Variants in SSBP3 observed in about 807,000 individuals in gnomAD.
The protein encoded by SSBP3 is single stranded DNA binding protein 3, also known as single-stranded DNA-binding protein 3.
Under a neutral mutation model 69.6 loss-of-function variants are expected in SSBP3, and 5 were observed. That is an observed-to-expected ratio of 0.07 (90% CI 0.04 to 0.15). The LOEUF (loss-of-function observed/expected upper bound fraction) is 0.15. Among genes scored for constraint, SSBP3 ranks in the 10% least tolerant of loss-of-function variants. SSBP3 has a pLI of 1.00. For synonymous variants in SSBP3, 196 were observed against 193.4 expected, an observed-to-expected ratio of 1.01 and a Z score of -0.11; for missense variants, 312 against 534.0, an observed-to-expected ratio of 0.58 and a Z score of 4.10.
intron 4 of SSBP3, among the ~76,000 whole-genome samples, chr1:54,333,515 G>A (rs1292533790): frequency 2.6e-5 from 4 of 152,076 alleles, no homozygotes; most frequent in African/African-American, 7.2e-5. Flanking sequence ...GCCCACGCCT[G>A]TAAATCCCAG....
intron 1 of SSBP3, among the ~76,000 whole-genome samples, chr1:54,405,181 C>T (rs1453524014): frequency 1.3e-5 from 2 of 152,182 alleles, no homozygotes; most frequent in Non-Finnish European, 2.9e-5. Flanking sequence ...TTCCAAGTGG[C>T]GTCGCGGGCA....
chr1:54,348,367 G>A (rs1306008591), intron 4 of SSBP3, among the ~76,000 whole-genome samples: 3 of 151,626 alleles, frequency 2.0e-5, no homozygotes, highest in Non-Finnish European at 4.4e-5. Flanking sequence ...AGCAACAACA[G>A]GAAGTAGACA....
chr1:54,386,011 T>C (rs1648054361), intron 4 of SSBP3, among the ~76,000 whole-genome samples: 1 of 152,180 alleles, frequency 6.6e-6, no homozygotes, highest in Non-Finnish European at 1.5e-5. Flanking sequence ...ATATTGCATG[T>C]TGAAAGCTAA....
chr1:54,236,075 A>G (rs754449994), intron 14 of SSBP3, among the ~76,000 whole-genome samples: 8 of 152,190 alleles, frequency 5.3e-5, no homozygotes, highest in Non-Finnish European at 1.0e-4. Context: ...GAGTACTGGC[A>G]AAACAGTATA....
intron 5 of SSBP3, among the ~76,000 whole-genome samples, chr1:54,262,291 A>G (rs1645029570): frequency 6.6e-6 from 1 of 152,214 alleles, no homozygotes; most frequent in Non-Finnish European, 1.5e-5. Flanking sequence ...AAGGCACTCC[A>G]GGATTGCATA....
intron 9 of SSBP3, among the ~76,000 whole-genome samples, chr1:54,249,353 C>G (rs998243159): frequency 1.3e-5 from 2 of 152,200 alleles, no homozygotes; most frequent in Admixed American, 1.3e-4. Context: ...AGTTGGAAAA[C>G]ACAAATAGCC....
intron 4 of SSBP3, among the ~76,000 whole-genome samples, chr1:54,334,532 G>T (rs1487742188): frequency 1.3e-5 from 2 of 152,058 alleles, no homozygotes; most frequent in Non-Finnish European, 2.9e-5. Context: ...GTCTGACCTG[G>T]ATTACAGTTG....
At chr1:54,292,291 C>T (rs953538559) in intron 4 of SSBP3, among the ~76,000 whole-genome samples, 3 of 152,242 alleles carry the variant, frequency 2.0e-5, no homozygotes, top group African/African-American at 7.2e-5. Context: ...ATTCTTCAGA[C>T]TGACACAAGA....
At chr1:54,371,760 C>A (rs1366864242) in intron 4 of SSBP3, among the ~76,000 whole-genome samples, 1 of 152,200 alleles carries the variant, frequency 6.6e-6, no homozygotes, top group Non-Finnish European at 1.5e-5. Flanking sequence ...TTTATCTAAT[C>A]CTGCCAAAGC....
intron 13 of SSBP3, among the ~76,000 whole-genome samples, chr1:54,239,422 CAG>C (rs1310718262): frequency 6.6e-6 from 1 of 152,202 alleles, no homozygotes; most frequent in Non-Finnish European, 1.5e-5. Flanking sequence ...GGACACGGCA[CAG>C]GGGGATTACG....
chr1:54,400,305 A>G (rs562827078), intron 4 of SSBP3, among the ~76,000 whole-genome samples: 11 of 128,110 alleles, frequency 8.6e-5, no homozygotes, highest in Admixed American at 7.9e-4. Context: ...CCCAGATTCT[A>G]AAATGAAACT....
At chr1:54,399,244 G>A (rs1330744357) in intron 4 of SSBP3, among the ~76,000 whole-genome samples, 1 of 152,244 alleles carries the variant, frequency 6.6e-6, no homozygotes, top group Admixed American at 6.5e-5. Flanking sequence ...GAAGTTAGGT[G>A]GAATAGTGCC....
chr1:54,289,821 G>A (rs545435845), intron 4 of SSBP3, among the ~76,000 whole-genome samples: 31 of 152,194 alleles, frequency 2.0e-4, no homozygotes, highest in African/African-American at 7.5e-4. Flanking sequence ...AGGGTAGGGG[G>A]TGGGTGTGGG....
At chr1:54,246,651 G>A (rs1018723041) in intron 9 of SSBP3, among the ~76,000 whole-genome samples, 1 of 152,198 alleles carries the variant, frequency 6.6e-6, no homozygotes, top group African/African-American at 2.4e-5. Flanking sequence ...GAACCGGCAT[G>A]GCAGCTTCCT....
rs1491176982 is a variant in SSBP3 at position 54,404,944 on chromosome 1, A to AG, written c.57-15dup. 5.6e-6 allele frequency: 9 copies of AG among 1,610,526 alleles called. No individual in the cohort carries two copies. The highest frequency in any genetic ancestry group is 7.6e-6 in the Non-Finnish European group (9 of 1,178,632). On this transcript the variant is annotated splice_polypyrimidine_tract_variant and intron_variant, in intron 1 of 17. Coordinates refer to ENST00000610401, the Ensembl canonical transcript of SSBP3. ...TATAAAGCTAACCTGGAAAGTGGACAGGGGGCAAAGAGAGAGAGGGAAAGG... is the reference window on the plus strand; with the variant it reads ...TATAAAGCTAACCTGGAAAGTGGACAGGGGGGCAAAGAGAGAGAGGGAAAGG...
chr1:54,324,818 C>CA (rs1646272472), intron 4 of SSBP3, among the ~76,000 whole-genome samples: 1 of 152,118 alleles, frequency 6.6e-6, no homozygotes. Flanking sequence ...CAGGCAGGTC[C>CA]AATATGTCGG....
chr1:54,260,364 G>A (rs536350547), intron 5 of SSBP3, among the ~76,000 whole-genome samples: 1 of 152,346 alleles, frequency 6.6e-6, no homozygotes, highest in East Asian at 1.9e-4. Context: ...GAGCAGTGGG[G>A]CTCTGGGCAA....
chr1:54,349,283 T>C (rs998095131), intron 4 of SSBP3, among the ~76,000 whole-genome samples: 1 of 152,222 alleles, frequency 6.6e-6, no homozygotes, highest in Non-Finnish European at 1.5e-5. Flanking sequence ...TAGGCAGGGA[T>C]ATTCCTCTGC....
intron 4 of SSBP3, among the ~76,000 whole-genome samples, chr1:54,338,572 C>T (rs768384081): frequency 2.0e-5 from 3 of 152,186 alleles, no homozygotes; most frequent in Non-Finnish European, 4.4e-5. Context: ...GGTCACTCTG[C>T]GTCCATTTGC....
Sources: gnomAD v4.1 joint callset for allele counts (sites outside exome capture counted in the v4.1 genomes callset) on GRCh38, gnomAD v4.1.1 for gene constraint, MANE v1.5 for transcripts, NCBI Gene and HGNC (gene_info 2026-07-23, HGNC 2026-07-21) for gene names.